SH3BP4: variants seen among roughly 807,000 people sequenced by gnomAD.
SH3BP4 encodes the protein SH3 domain binding protein 4, also known as SH3 domain-binding protein 4.
In SH3BP4, 33 loss-of-function variants were observed where a neutral mutation model predicts 65.5. The ratio of observed to expected loss-of-function variants is 0.50; its 90% CI spans 0.38 to 0.67. The LOEUF is 0.67. SH3BP4 is among the 30% of genes least tolerant of loss of function. SH3BP4 has a pLI of 0.00. For synonymous variants in SH3BP4, 552 were observed against 545.5 expected (o/e 1.01, Z -0.17); for missense variants, 1,134 against 1,261.4 (o/e 0.90, Z 1.53).
At chr2:235,021,285 T>C (rs561277451) in intron 2 of SH3BP4, among the ~76,000 whole-genome samples, 6 of 152,056 alleles carry the variant, frequency 3.9e-5, no homozygotes, top group Non-Finnish European at 7.4e-5. Context: ...ACAAATGAGA[T>C]GGTGGGAGAC....
intron 2 of SH3BP4, among the ~76,000 whole-genome samples, chr2:235,006,452 A>G (rs1364299071): frequency 6.6e-6 from 1 of 151,804 alleles, no homozygotes; most frequent in Non-Finnish European, 1.5e-5. Context: ...GCTGTGATAT[A>G]AAAGCACTCC....
Position 235,026,194 on chromosome 2 carries a change from A to C in SH3BP4, c.-132-8677A>C, listed in dbSNP as rs1694995701. On this transcript the variant is annotated intron_variant, in intron 2 of 5. Transcript: ENST00000392011. The surrounding 1 kb of genome is among the most constrained non-coding windows in gnomAD (Gnocchi z 4.6). ...GCCAGGTAAGAAGCTCAGGCCTTGA[A>C]GAGGGATTCACACGCCCTCCCCTCC... Among the ~76,000 whole-genome samples, 1 of 152,122 alleles carries C rather than the reference A, an allele frequency of 6.6e-6. No individual in the cohort carries two copies. The highest frequency in any genetic ancestry group is 2.4e-5 in the African/African-American group (1 of 41,420).
intron 4 of SH3BP4, among the ~76,000 whole-genome samples, chr2:235,043,977 GC>G (rs1332166200): frequency 6.6e-6 from 1 of 152,244 alleles, no homozygotes; most frequent in Non-Finnish European, 1.5e-5. Flanking sequence ...TGGACCAGAT[GC>G]GGGTGGGGGC....
rs745459940 is a variant in SH3BP4, at chr2:235,052,708, C to T, written c.2625C>T (p.Tyr875=). 1.0e-4 allele frequency: 167 copies of T among 1,605,766 alleles called. No homozygotes were observed. Among genetic ancestry groups the T allele is most frequent in the Non-Finnish European group, 1.4e-4 (160 of 1,176,780 alleles). ...AKVSKQQMDA[Y]ESPHRDRNGV... ...TCTCCAAGCAGCAGATGGACGCCTACGAGTCTCCCCACCGGGACAGGAACG... is the reference window on the plus strand; with the variant it reads ...TCTCCAAGCAGCAGATGGACGCCTATGAGTCTCCCCACCGGGACAGGAACG... The change falls in exon 5 of 6, where the codon TAC becomes TAT. Residue 875 remains tyrosine (Y), a synonymous_variant. Transcript: ENST00000392011. This position sits in a 1 kb window ranked among gnomAD's most constrained non-coding sequence, Gnocchi z 5.0.
intron 1 of SH3BP4, among the ~76,000 whole-genome samples, chr2:234,983,800 C>T (rs2106259836): frequency 6.6e-6 from 1 of 152,322 alleles, no homozygotes; most frequent in Admixed American, 6.5e-5. Flanking sequence ...AGCCAGGAAT[C>T]CAGGCAGCCA....
intron 1 of SH3BP4, among the ~76,000 whole-genome samples, chr2:234,975,723 A>C (rs1693147988): frequency 6.6e-6 from 1 of 152,056 alleles, no homozygotes; most frequent in Admixed American, 6.5e-5. Context: ...AAAAAACATG[A>C]AAATTAGCTG....
At position 235,052,500 on chromosome 2, in the gene SH3BP4, C is replaced by T. The variant is rs926161441; in HGVS notation, c.2479-62C>T. 6.0e-5 allele frequency: 80 copies of T among 1,331,308 alleles called. 1 individual carries two copies. The highest frequency in any genetic ancestry group is 7.3e-5 in the Non-Finnish European group (72 of 990,058). The allele number at this position is 1,331,308 out of a possible 1,614,324, so 82.5% of individuals were successfully genotyped here. A position where few individuals can be genotyped will look rare whatever the true frequency, so the allele number is the denominator to read the frequency against. Reference sequence around the variant, plus strand: ...TCCTGCGCCGTCTGCTGGAATTCTGCGGGGAGCAGAGCCTGCCCCACTCCC... The same window carrying T: ...TCCTGCGCCGTCTGCTGGAATTCTGTGGGGAGCAGAGCCTGCCCCACTCCC... On this transcript the variant is annotated intron_variant, in intron 4 of 5. Coordinates refer to ENST00000392011, the MANE Select transcript of SH3BP4 (RefSeq NM_014521.3). This position sits in a 1 kb window ranked among gnomAD's most constrained non-coding sequence, Gnocchi z 5.0.
rs866638659 is a variant in SH3BP4 at position 235,038,289 on chromosome 2, A to T, written c.119-2599A>T. Among the ~76,000 whole-genome samples the T allele has an allele frequency of 2.6e-3, 60 of 22,862 alleles. 1 individual carries two copies. Among genetic ancestry groups the T allele is most frequent in the East Asian group, 0.026 (3 of 116 alleles). 15.0% of individuals were successfully genotyped at this position (22,862 alleles called of 152,430 possible). A position where few individuals can be genotyped will look rare whatever the true frequency, so the allele number is the denominator to read the frequency against. On this transcript the variant is annotated intron_variant, in intron 3 of 5. Transcript: ENST00000392011. ...ATTATATATAATATATATTATATAT[A>T]ATATATATATTATATATATATATTA...
chr2:234,997,358 G>T lies in SH3BP4; in HGVS notation c.-133+1982G>T, dbSNP rs1480366053. 6.6e-6 allele frequency among the ~76,000 whole-genome samples: 1 copy of T among 152,102 alleles called. No individual in the cohort carries two copies. Among genetic ancestry groups the T allele is most frequent in the East Asian group, 1.9e-4 (1 of 5,196 alleles). ...TTTCCAGGCCCCGAGTTTTGTCCGTGGCAAATTTCGTGATTTGCACATAGT... is the reference window on the plus strand; with the variant it reads ...TTTCCAGGCCCCGAGTTTTGTCCGTTGCAAATTTCGTGATTTGCACATAGT... On this transcript the variant is annotated intron_variant, in intron 2 of 5. Coordinates refer to ENST00000392011, the MANE Select transcript of SH3BP4 (RefSeq NM_014521.3). This position sits in a 1 kb window ranked among gnomAD's most constrained non-coding sequence, Gnocchi z 4.2.
chr2:235,053,844 G>A lies in SH3BP4; in HGVS notation c.*28G>A, dbSNP rs747618777. On this transcript the variant is annotated 3_prime_UTR_variant, in exon 6 of 6. Coordinates refer to ENST00000392011, the MANE Select transcript of SH3BP4 (RefSeq NM_014521.3). Reference sequence around the variant, plus strand: ...GGGTCCCCTCCCCTCCTGCTGCTCTGGAGTGCAAGCCCTCTTCTGCCCTGC... The same window carrying A: ...GGGTCCCCTCCCCTCCTGCTGCTCTAGAGTGCAAGCCCTCTTCTGCCCTGC... 3.8e-6 allele frequency: 6 copies of A among 1,561,206 alleles called. No individual in the cohort carries two copies. The highest frequency in any genetic ancestry group is 1.7e-4 in the Middle Eastern group (1 of 5,836).
intron 1 of SH3BP4, chr2:234,979,770 T>C (rs1693303964): frequency 6.6e-6 from 1 of 151,748 alleles, no homozygotes; most frequent in Non-Finnish European, 1.5e-5. Context: ...GAAGCCTCAG[T>C]CCCATGGCCA....
In SH3BP4 at chr2:235,026,950, G is replaced by C. The variant is rs532775992; in HGVS notation, c.-132-7921G>C. 6.6e-6 allele frequency among the ~76,000 whole-genome samples: 1 copy of C among 152,314 alleles called. No individual in the cohort carries two copies. The highest frequency in any genetic ancestry group is 2.4e-5 in the African/African-American group (1 of 41,574). ...AGGCAGCATGTTCCTCCTGTGCCCT[G>C]GGTGCATTAGGCGAGATCAGGCACG... is the stretch of plus-strand genomic sequence containing the variant. On this transcript the variant is annotated intron_variant, in intron 2 of 5. Transcript: ENST00000392011. This position sits in a 1 kb window ranked among gnomAD's most constrained non-coding sequence, Gnocchi z 4.6.
chr2:234,953,356 C>T (rs574477229), intron 1 of SH3BP4, among the ~76,000 whole-genome samples: 4 of 152,148 alleles, frequency 2.6e-5, no homozygotes, highest in African/African-American at 9.7e-5. Flanking sequence ...TTGCCTAAAC[C>T]AGAGAATCCC....
chr2:235,017,045 C>CTTTTTTTTTTTTTT (rs995197698), intron 2 of SH3BP4, among the ~76,000 whole-genome samples: 1 of 88,440 alleles, frequency 1.1e-5, no homozygotes, highest in Non-Finnish European at 2.2e-5. Context: ...GTTTGCCTTT[C>CTTTTTTTTTTTTTT]TTTTTTTTTT....
chr2:234,972,717 C>A (rs1693036768), intron 1 of SH3BP4, among the ~76,000 whole-genome samples: 1 of 151,964 alleles, frequency 6.6e-6, no homozygotes, highest in Non-Finnish European at 1.5e-5. Context: ...AGAGCAAGAC[C>A]TTGTTAAAAA....
intron 1 of SH3BP4, among the ~76,000 whole-genome samples, chr2:234,972,170 C>T (rs1439313348): frequency 1.0e-4 from 14 of 139,478 alleles, no homozygotes; most frequent in Non-Finnish European, 1.8e-4. Flanking sequence ...CTCAATCTGT[C>T]GCCCAGGCTG....
chr2:234,998,690 C>T (rs1360254101), intron 2 of SH3BP4, among the ~76,000 whole-genome samples: 1 of 152,214 alleles, frequency 6.6e-6, no homozygotes, highest in African/African-American at 2.4e-5. Context: ...GGAAGAGCAC[C>T]CTGTACTCAC....
In SH3BP4 at chr2:235,042,803, G is replaced by A. The variant is rs762912815; in HGVS notation, c.2034G>A (p.Lys678=). The change falls in exon 4 of 6, where the codon AAG becomes AAA. Residue 678 remains lysine, a synonymous_variant. Coordinates refer to ENST00000392011, the MANE Select transcript of SH3BP4 (RefSeq NM_014521.3). This position sits in a 1 kb window ranked among gnomAD's most constrained non-coding sequence, Gnocchi z 7.3. ...QNKNHYLLEY[K]KGDGIALLSE... is the part of the protein sequence containing the mutation. The stretch of plus-strand genomic sequence containing the variant: ...AGAACCACTACCTGCTGGAGTACAA[G>A]AAGGGCGACGGGATCGCCCTGCTCA... 7.4e-5 allele frequency: 119 copies of A among 1,614,094 alleles called. 3 individuals are homozygous for A. In the South Asian group the frequency reaches 1.2e-3, roughly 17 times the overall value.
chr2:234,977,300 C>T lies in SH3BP4; in HGVS notation c.-206-18003C>T, dbSNP rs1377887908. On this transcript the variant is annotated intron_variant, in intron 1 of 5. Transcript: ENST00000392011. The surrounding 1 kb of genome is among the most constrained non-coding windows in gnomAD (Gnocchi z 5.1). Reference sequence around the variant, plus strand: ...AACTTCCCTTTCCTACAGACCCTCGCTTGGTGCGCCATGGCAGCTGGGCCC... The same window carrying T: ...AACTTCCCTTTCCTACAGACCCTCGTTTGGTGCGCCATGGCAGCTGGGCCC... 6.6e-6 allele frequency among the ~76,000 whole-genome samples: 1 copy of T among 152,128 alleles called. No homozygotes were observed. The highest frequency in any genetic ancestry group is 6.5e-5 in the Admixed American group (1 of 15,268).
Sources: gnomAD v4.1 joint callset for allele counts (sites outside exome capture counted in the v4.1 genomes callset) on GRCh38, gnomAD v4.1.1 for gene constraint, Gnocchi (gnomAD v3.1) non-coding constraint, MANE v1.5 for transcripts, NCBI Gene and HGNC (gene_info 2026-07-23, HGNC 2026-07-21) for gene names.